EYA1: variants seen among roughly 807,000 people sequenced by gnomAD.
EYA1 encodes the protein EYA transcriptional coactivator and phosphatase 1.
EYA1 carries 16 observed loss-of-function variants against 82.0 expected under a neutral mutation model. That is an observed-to-expected ratio of 0.20 (90% confidence interval 0.13 to 0.30). The LOEUF (loss-of-function observed/expected upper bound fraction) is 0.30. EYA1 is among the 10% of genes least tolerant of loss of function. The pLI, the probability that EYA1 is intolerant of heterozygous loss-of-function variation, is 1.00. For synonymous variants in EYA1, 261 were observed against 264.4 expected (o/e 0.99, Z 0.12); for missense variants, 633 against 730.7 (o/e 0.87, Z 1.54).
At chr8:71,484,893 G>T (rs1762823494) in intron 2 of EYA1, among the ~76,000 whole-genome samples, 1 of 152,200 alleles carries the variant, frequency 6.6e-6, no homozygotes, top group South Asian at 2.1e-4. Flanking sequence ...TGGAGGGTAG[G>T]GAACAGCTGC....
chr8:71,289,579 G>T (rs971610769), intron 9 of EYA1, among the ~76,000 whole-genome samples: 1 of 152,188 alleles, frequency 6.6e-6, no homozygotes, highest in African/African-American at 2.4e-5. Context: ...GCAGCAGCAT[G>T]CTTTACTGAT....
Position 71,261,004 on chromosome 8 carries a change from G to A in EYA1, c.1050+8736C>T, listed in dbSNP as rs1240645743. 2.0e-5 allele frequency among the ~76,000 whole-genome samples: 3 copies of A among 152,078 alleles called. No individual in the cohort carries two copies. The East Asian group carries it at 5.8e-4, about 29-fold the overall frequency. ...CCATCCAAGATCTTTTGTTTTGGGGGAAAATAAGCTGAAAAACAGGAATGA... is the reference window on the plus strand; with the variant it reads ...CCATCCAAGATCTTTTGTTTTGGGGAAAAATAAGCTGAAAAACAGGAATGA... On this transcript the variant is annotated intron_variant, in intron 11 of 17. Transcript: ENST00000340726.
chr8:71,255,138 G>A (rs917879223), intron 11 of EYA1, among the ~76,000 whole-genome samples: 2 of 152,114 alleles, frequency 1.3e-5, no homozygotes, highest in African/African-American at 2.4e-5. Flanking sequence ...CCATGTTCAT[G>A]GATGAAAGAT....
chr8:71,207,792 A>G (rs957457616), intron 17 of EYA1, among the ~76,000 whole-genome samples: 3 of 145,812 alleles, frequency 2.1e-5, no homozygotes, highest in Admixed American at 7.1e-5. Context: ...GTGATCTAGG[A>G]AAGAAGGTTA....
chr8:71,213,181 T>A (rs1229490832), intron 16 of EYA1, among the ~76,000 whole-genome samples: 1 of 151,920 alleles, frequency 6.6e-6, no homozygotes, highest in Admixed American at 6.6e-5. Context: ...GAAAAAAAAA[T>A]AAAGCTTAAT....
At chr8:71,335,587 G>A (rs1024505957) in intron 3 of EYA1, among the ~76,000 whole-genome samples, 6 of 152,246 alleles carry the variant, frequency 3.9e-5, no homozygotes, top group Non-Finnish European at 7.4e-5. Context: ...TTTTCTGCCA[G>A]TTGTTTTGGG....
chr8:71,520,776 T>C (rs1563698769), intron 2 of EYA1, among the ~76,000 whole-genome samples: 1 of 152,082 alleles, frequency 6.6e-6, no homozygotes, highest in East Asian at 1.9e-4. Flanking sequence ...AGTTCGGAAA[T>C]AAAGACTAAA....
chr8:71,261,540 C>T (rs1815110147), intron 11 of EYA1, among the ~76,000 whole-genome samples: 1 of 152,202 alleles, frequency 6.6e-6, no homozygotes, highest in Admixed American at 6.5e-5. Context: ...AGATACGTGA[C>T]ACTCGATTGT....
At chr8:71,463,154 T>C (rs1563639531) in intron 2 of EYA1, among the ~76,000 whole-genome samples, 1 of 152,214 alleles carries the variant, frequency 6.6e-6, no homozygotes, top group Non-Finnish European at 1.5e-5. Context: ...AATTTGGGAC[T>C]AACCACATTT....
intron 2 of EYA1, among the ~76,000 whole-genome samples, chr8:71,454,090 T>C (rs1367648025): frequency 6.6e-6 from 1 of 151,684 alleles, no homozygotes; most frequent in Non-Finnish European, 1.5e-5. Context: ...GCCAAGAACA[T>C]GGAAAACAAA....
At chr8:71,312,002 C>T (rs753047108) in intron 7 of EYA1, among the ~76,000 whole-genome samples, 6 of 152,158 alleles carry the variant, frequency 3.9e-5, no homozygotes, top group Non-Finnish European at 5.9e-5. Context: ...AATGAGGGCA[C>T]CAAGTAAGGC....
chr8:71,419,577 G>T (rs1418576157), intron 2 of EYA1, among the ~76,000 whole-genome samples: 1 of 152,134 alleles, frequency 6.6e-6, no homozygotes, highest in East Asian at 1.9e-4. Flanking sequence ...AAAGAAACCA[G>T]ATTAGCTATG....
At chr8:71,443,992 T>C (rs1356334902) in intron 2 of EYA1, among the ~76,000 whole-genome samples, 1 of 152,254 alleles carries the variant, frequency 6.6e-6, no homozygotes, top group Non-Finnish European at 1.5e-5. Context: ...CAAAATCTTC[T>C]GTGATCTGGA....
At chr8:71,453,119 G>A (rs552343440) in intron 2 of EYA1, among the ~76,000 whole-genome samples, 112 of 152,290 alleles carry the variant, frequency 7.4e-4, no homozygotes, top group Admixed American at 1.8e-3. Context: ...ACTACGTGAC[G>A]AATGCACAAG....
At chr8:71,264,958 G>T (rs1010000230) in intron 11 of EYA1, among the ~76,000 whole-genome samples, 6 of 152,146 alleles carry the variant, frequency 3.9e-5, no homozygotes, top group Non-Finnish European at 8.8e-5. Flanking sequence ...GAAAATTGAG[G>T]CTCAGTAAGA....
rs1403621835 is a variant in EYA1, at chr8:71,413,727, C to T, written c.34-57216G>A. On this transcript the variant is annotated intron_variant, in intron 2 of 18. Coordinates refer to the EYA1 transcript ENST00000643681. ...TGTGTTTCGTTTTGCTTTGTTTTCG[C>T]TTGACAGCAGTGCTGTAATTGTGGT... Among the ~76,000 whole-genome samples, 3 of 152,286 alleles carry T rather than the reference C, an allele frequency of 2.0e-5. No homozygotes were observed. The East Asian group carries it at 5.8e-4, about 29-fold the overall frequency.
intron 2 of EYA1, among the ~76,000 whole-genome samples, chr8:71,472,672 C>A (rs76610322): frequency 6.6e-6 from 1 of 151,396 alleles, no homozygotes; most frequent in Admixed American, 6.6e-5. Flanking sequence ...TAACTGCCAG[C>A]CATTGAATAA....
chr8:71,419,379 T>C (rs1831024904), intron 2 of EYA1, among the ~76,000 whole-genome samples: 1 of 152,220 alleles, frequency 6.6e-6, no homozygotes, highest in Admixed American at 6.5e-5. Context: ...ATTAATTATA[T>C]ATTCACAAGA....
At chr8:71,482,407 T>C (rs1810235281) in intron 2 of EYA1, among the ~76,000 whole-genome samples, 1 of 152,188 alleles carries the variant, frequency 6.6e-6, no homozygotes, top group Non-Finnish European at 1.5e-5. Context: ...GTTGAGGACG[T>C]AGAGTAACTT....
Sources: gnomAD v4.1 joint callset for allele counts (sites outside exome capture counted in the v4.1 genomes callset) on GRCh38, gnomAD v4.1.1 for gene constraint, MANE v1.5 for transcripts, NCBI Gene and HGNC (gene_info 2026-07-23, HGNC 2026-07-21) for gene names.